NEGR1: variants seen among roughly 807,000 people sequenced by gnomAD.
The protein encoded by NEGR1 is neuronal growth regulator 1.
A neutral mutation model predicts 40.9 loss-of-function variants in NEGR1; 10 were observed. The observed-to-expected ratio is 0.24, with a 90% CI of 0.15 to 0.42. The LOEUF is 0.42. NEGR1 is among the 10% of genes least tolerant of loss of function. The probability of loss-of-function intolerance (pLI) is 1.00; values close to 1 mark genes in which losing one functional copy is unlikely to be tolerated. For synonymous variants in NEGR1, 185 were observed against 166.8 expected (o/e 1.11, Z -0.84); for missense variants, 352 against 438.9 (o/e 0.80, Z 1.77).
chr1:72,105,787 A>G (rs1649112906), intron 1 of NEGR1, among the ~76,000 whole-genome samples: 1 of 151,870 alleles, frequency 6.6e-6, no homozygotes, highest in Non-Finnish European at 1.5e-5. Flanking sequence ...CCATTGTTTC[A>G]TAGTCAAGAA....
intron 2 of NEGR1, among the ~76,000 whole-genome samples, chr1:71,875,888 C>T (rs543626175): frequency 1.1e-3 from 164 of 152,202 alleles, no homozygotes; most frequent in South Asian, 1.7e-3. Context: ...TGGAAAGGCT[C>T]GATGAAGATA....
At chr1:71,448,376 A>T (rs1646598141) in intron 6 of NEGR1, among the ~76,000 whole-genome samples, 2 of 152,082 alleles carry the variant, frequency 1.3e-5, no homozygotes, top group African/African-American at 4.8e-5. Context: ...AGGTGGGTGG[A>T]TCAATTGAGG....
intron 1 of NEGR1, among the ~76,000 whole-genome samples, chr1:72,156,941 T>TTTA (rs1651379704): frequency 6.7e-6 from 1 of 149,760 alleles, no homozygotes; most frequent in South Asian, 2.1e-4. Flanking sequence ...TTGTATGTGT[T>TTTA]TTGTTGTTGT....
intron 3 of NEGR1, among the ~76,000 whole-genome samples, chr1:71,730,461 G>A (rs1019197032): frequency 1.3e-5 from 2 of 150,272 alleles, no homozygotes; most frequent in African/African-American, 4.9e-5. Flanking sequence ...CTGAATGATA[G>A]TTTTCAAGTC....
chr1:71,857,663 C>T (rs1324996782), intron 2 of NEGR1, among the ~76,000 whole-genome samples: 1 of 142,772 alleles, frequency 7.0e-6, no homozygotes, highest in African/African-American at 2.6e-5. Context: ...AAAATTGAAC[C>T]ACAATCTTCC....
intron 6 of NEGR1, among the ~76,000 whole-genome samples, chr1:71,455,681 C>A (rs1646667670): frequency 6.6e-6 from 1 of 152,132 alleles, no homozygotes; most frequent in Non-Finnish European, 1.5e-5. Context: ...GCTGAGATCA[C>A]ACCACTGCAC....
At chr1:71,886,471 CAAAG>C (rs1183580504) in intron 2 of NEGR1, among the ~76,000 whole-genome samples, 19 of 144,306 alleles carry the variant, frequency 1.3e-4, no homozygotes, top group Admixed American at 5.5e-4. Flanking sequence ...AAAAAAAAAA[CAAAG>C]GAAGGAAGGG....
intron 2 of NEGR1, among the ~76,000 whole-genome samples, chr1:71,924,547 C>A (rs958684183): frequency 3.3e-5 from 5 of 152,128 alleles, no homozygotes; most frequent in Non-Finnish European, 7.4e-5. Context: ...CCCATTTGTT[C>A]AAGTCAAAAC....
chr1:71,414,733 C>T (rs1646344128), intron 6 of NEGR1, among the ~76,000 whole-genome samples: 1 of 152,094 alleles, frequency 6.6e-6, no homozygotes, highest in South Asian at 2.1e-4. Flanking sequence ...TTTTTCTCCC[C>T]CTCGACTTTA....
chr1:71,547,540 C>T (rs1379601335), intron 6 of NEGR1, among the ~76,000 whole-genome samples: 1 of 151,518 alleles, frequency 6.6e-6, no homozygotes, highest in African/African-American at 2.4e-5. Context: ...AATAGCCCAC[C>T]AAAGAAACAG....
chr1:72,199,080 G>A (rs567029389), intron 1 of NEGR1, among the ~76,000 whole-genome samples: 5 of 151,220 alleles, frequency 3.3e-5, no homozygotes, highest in African/African-American at 1.2e-4. Flanking sequence ...ATGTCCTTTT[G>A]CCCTTCAAGG....
chr1:71,459,257 T>C (rs1434724834), intron 6 of NEGR1, among the ~76,000 whole-genome samples: 1 of 152,178 alleles, frequency 6.6e-6, no homozygotes, highest in Non-Finnish European at 1.5e-5. Flanking sequence ...AAGTCTTCTC[T>C]AATACTCTTC....
intron 1 of NEGR1, among the ~76,000 whole-genome samples, chr1:72,123,440 G>A (rs1649882321): frequency 6.6e-6 from 1 of 151,614 alleles, no homozygotes; most frequent in South Asian, 2.1e-4. Context: ...AAATGTTCCA[G>A]GATCATAATG....
At chr1:71,751,415 T>TG (rs1325384559) in intron 3 of NEGR1, among the ~76,000 whole-genome samples, 3 of 152,204 alleles carry the variant, frequency 2.0e-5, no homozygotes, top group Admixed American at 2.0e-4. Flanking sequence ...AATGAATCCC[T>TG]GTTAAGGGCA....
chr1:71,769,767 G>A (rs1380731916), intron 3 of NEGR1, among the ~76,000 whole-genome samples: 1 of 152,132 alleles, frequency 6.6e-6, no homozygotes, highest in East Asian at 1.9e-4. Context: ...TTAGCAGCGT[G>A]AGAATAAACT....
intron 3 of NEGR1, among the ~76,000 whole-genome samples, chr1:71,714,212 T>C (rs1189793938): frequency 6.6e-6 from 1 of 152,144 alleles, no homozygotes; most frequent in African/African-American, 2.4e-5. Flanking sequence ...TCAGATCTCA[T>C]GAGGACTCAC....
chr1:71,816,103 G>A (rs1361410890), intron 2 of NEGR1, among the ~76,000 whole-genome samples: 1 of 152,044 alleles, frequency 6.6e-6, no homozygotes, highest in African/African-American at 2.4e-5. Flanking sequence ...AGAAGATGCA[G>A]TAAAATTTAA....
intron 1 of NEGR1, among the ~76,000 whole-genome samples, chr1:72,250,002 T>A (rs564503601): frequency 6.6e-6 from 1 of 152,306 alleles, no homozygotes; most frequent in East Asian, 1.9e-4. Context: ...GGCTAGGCAG[T>A]CTAGATTTTG....
intron 3 of NEGR1, among the ~76,000 whole-genome samples, chr1:71,706,151 G>T (rs1653890908): frequency 6.6e-6 from 1 of 152,348 alleles, no homozygotes; most frequent in South Asian, 2.1e-4. Context: ...GCTGTGCGGT[G>T]CACAGAGCAT....
Sources: gnomAD v4.1 joint callset for allele counts (sites outside exome capture counted in the v4.1 genomes callset) on GRCh38, gnomAD v4.1.1 for gene constraint, MANE v1.5 for transcripts, NCBI Gene and HGNC (gene_info 2026-07-23, HGNC 2026-07-21) for gene names.